MAST2: variants seen among roughly 807,000 people sequenced by gnomAD.
The protein encoded by MAST2 is microtubule associated serine/threonine kinase 2, also known as microtubule-associated serine/threonine-protein kinase 2.
A neutral mutation model predicts 147.4 loss-of-function variants in MAST2; 70 were observed. The observed-to-expected ratio is 0.47, with a 90% CI of 0.39 to 0.58. The LOEUF is 0.58. Ranked by LOEUF, MAST2 falls within the 20% of genes least tolerant of loss-of-function variation. MAST2 has a pLI of 0.00. For missense variants in MAST2, 2,080 were observed against 2,302.3 expected (o/e 0.90, Z 1.98); for synonymous variants, 869 against 896.8 (o/e 0.97, Z 0.55).
At chr1:45,920,675 T>C (rs1023676676) in intron 4 of MAST2, among the ~76,000 whole-genome samples, 1 of 152,238 alleles carries the variant, frequency 6.6e-6, no homozygotes, top group African/African-American at 2.4e-5. Flanking sequence ...AAGCAGATTA[T>C]TTTAAAATTA....
chr1:45,957,280 A>G (rs540405940), intron 4 of MAST2, among the ~76,000 whole-genome samples: 1 of 152,242 alleles, frequency 6.6e-6, no homozygotes, highest in South Asian at 2.1e-4. Context: ...CATTATATGG[A>G]TATACTGTGA....
rs184095109 is a variant in MAST2, at chr1:45,850,810, G to A, written c.468+21229G>A. On this transcript the variant is annotated intron_variant, in intron 3 of 28. Transcript: ENST00000361297. ...TCTCTATTCTGTTCTATAGGTCTAT[G>A]TGTCTGCTTTTGTACCAGTACTATG... Among the ~76,000 whole-genome samples the A allele has an allele frequency of 5.0e-4, 71 of 141,370 alleles. 1 individual carries two copies. Among genetic ancestry groups the A allele is most frequent in the Non-Finnish European group, 7.6e-5 (5 of 65,460 alleles). The allele number at this position is 141,370 out of a possible 152,430, so 92.7% of individuals were successfully genotyped here.
chr1:45,869,494 G>A (rs1646292649), intron 3 of MAST2, among the ~76,000 whole-genome samples: 1 of 152,076 alleles, frequency 6.6e-6, no homozygotes, highest in East Asian at 1.9e-4. Context: ...ATTTTATTTA[G>A]CCACCTTTGG....
At chr1:45,905,056 C>A (rs1650448824) in intron 4 of MAST2, among the ~76,000 whole-genome samples, 1 of 152,180 alleles carries the variant, frequency 6.6e-6, no homozygotes, top group Non-Finnish European at 1.5e-5. Flanking sequence ...AGTGATCCTC[C>A]TGCCTTGGCC....
chr1:45,839,331 T>C (rs1645203752), intron 3 of MAST2, among the ~76,000 whole-genome samples: 2 of 152,108 alleles, frequency 1.3e-5, no homozygotes, highest in African/African-American at 2.4e-5. Context: ...GGTTTCACCA[T>C]GTTGGCCAGG....
At chr1:45,912,814 A>T (rs1265553859) in intron 4 of MAST2, among the ~76,000 whole-genome samples, 1 of 152,098 alleles carries the variant, frequency 6.6e-6, no homozygotes, top group Non-Finnish European at 1.5e-5. Flanking sequence ...AGACTGGGAG[A>T]TTGCTCCAAG....
At chr1:45,849,866 G>A (rs941893996) in intron 3 of MAST2, among the ~76,000 whole-genome samples, 6 of 152,170 alleles carry the variant, frequency 3.9e-5, no homozygotes, top group Non-Finnish European at 8.8e-5. Context: ...GGGCACCTAG[G>A]TTGATCCCAT....
intron 4 of MAST2, among the ~76,000 whole-genome samples, chr1:45,906,655 T>C (rs1469927798): frequency 2.0e-5 from 3 of 148,448 alleles, no homozygotes; most frequent in Non-Finnish European, 4.5e-5. Flanking sequence ...AATTATATAA[T>C]ATATAATTAT....
At chr1:45,913,454 G>A (rs992311445) in intron 4 of MAST2, 3 of 288,054 alleles carry the variant, frequency 1.0e-5, no homozygotes, top group Admixed American at 1.3e-4. Flanking sequence ...CAGGCCTCAG[G>A]GTTGGAGGTT....
intron 15 of MAST2, 40 bp downstream of exon 15, chr1:46,024,020 C>T (rs1408898426): frequency 3.8e-6 from 6 of 1,583,892 alleles, no homozygotes; most frequent in Non-Finnish European, 5.2e-6. Context: ...GGCCAAGGCA[C>T]AGTCTGAGAC....
intron 1 of MAST2, among the ~76,000 whole-genome samples, chr1:45,817,811 G>A (rs1187090224): frequency 6.6e-6 from 1 of 152,150 alleles, no homozygotes; most frequent in Admixed American, 6.6e-5. Context: ...AGTAATTGTG[G>A]TTTTGGACTG....
intron 1 of MAST2, among the ~76,000 whole-genome samples, chr1:45,821,984 G>A (rs532546416): frequency 1.2e-4 from 17 of 140,344 alleles, no homozygotes; most frequent in African/African-American, 4.7e-4. Flanking sequence ...CACCTCCCAG[G>A]TTCACGCGAT....
At chr1:45,868,614 T>C (rs1052457486) in intron 3 of MAST2, among the ~76,000 whole-genome samples, 2 of 152,128 alleles carry the variant, frequency 1.3e-5, no homozygotes, top group Admixed American at 6.5e-5. Context: ...CTTAATTATT[T>C]TGGAGGATAT....
At chr1:45,833,112 A>G (rs1000019784) in intron 3 of MAST2, among the ~76,000 whole-genome samples, 14 of 152,162 alleles carry the variant, frequency 9.2e-5, no homozygotes, top group Non-Finnish European at 2.1e-4. Context: ...ATGTTGCAGC[A>G]TGTGTTCCTT....
In MAST2 at chr1:45,829,463, G is replaced by T. The variant is rs771976410; in HGVS notation, c.350G>T (p.Ser117Ile). 73 of 1,613,878 alleles carry T rather than the reference G, an allele frequency of 4.5e-5. No homozygotes were observed. The highest frequency in any genetic ancestry group is 6.1e-5 in the Non-Finnish European group (72 of 1,179,990). Residue 117 changes from serine to isoleucine, a missense_variant, in exon 3 of 29, where the codon AGC becomes ATC. Ser to Ile is a moderately radical substitution (Grantham distance 142). Transcript: ENST00000361297. ...GGTAAGCAGCTGCTCCCTTTGTCCA[G>T]CAGTGTACATAGCAGTGTGGGACAG... The part of the protein sequence containing the change: ...LSGKQLLPLS[S>I]SVHSSVGQVT...
intron 3 of MAST2, among the ~76,000 whole-genome samples, chr1:45,872,549 C>T (rs1000629778): frequency 2.7e-5 from 4 of 150,544 alleles, no homozygotes; most frequent in Admixed American, 1.3e-4. Flanking sequence ...GGGGCAATCT[C>T]GGCTCACCGC....
At chr1:45,923,713 C>T (rs1365746088) in intron 4 of MAST2, among the ~76,000 whole-genome samples, 2 of 152,128 alleles carry the variant, frequency 1.3e-5, no homozygotes, top group East Asian at 1.9e-4. Flanking sequence ...TAATATCATA[C>T]GTTCTGAACC....
rs570229121 is a variant in MAST2 at position 45,841,423 on chromosome 1, G to A, written c.468+11842G>A. On this transcript the variant is annotated intron_variant, in intron 3 of 28. Transcript: ENST00000361297. ...AGAAATATTGTGTATATTTCTTACC[G>A]TATAAAGAAATATATACATATATAT... Among the ~76,000 whole-genome samples, 111 of 151,494 alleles carry A rather than the reference G, an allele frequency of 7.3e-4. No individual in the cohort carries two copies. The South Asian group carries it at 0.022, about 30-fold the overall frequency.
At chr1:45,876,052 A>G (rs1287479285) in intron 3 of MAST2, among the ~76,000 whole-genome samples, 1 of 152,174 alleles carries the variant, frequency 6.6e-6, no homozygotes, top group Non-Finnish European at 1.5e-5. Context: ...GCTTCATGGC[A>G]AGAAAAGTCT....
Sources: gnomAD v4.1 joint callset for allele counts (sites outside exome capture counted in the v4.1 genomes callset) on GRCh38, gnomAD v4.1.1 for gene constraint, MANE v1.5 for transcripts, NCBI Gene and HGNC (gene_info 2026-07-23, HGNC 2026-07-21) for gene names.